Variants in PLEKHA8 observed in about 807,000 individuals in gnomAD.
PLEKHA8 encodes pleckstrin homology domain containing A8.
A neutral mutation model predicts 68.2 loss-of-function variants in PLEKHA8; 36 were observed. That is an observed-to-expected ratio of 0.53 (90% confidence interval 0.40 to 0.70). The LOEUF is 0.70. PLEKHA8 is among the 30% of genes least tolerant of loss of function. The pLI is 0.00. For synonymous variants in PLEKHA8, 211 were observed against 216.1 expected, an observed-to-expected ratio of 0.98 and a Z score of 0.20; for missense variants, 505 against 615.4, an observed-to-expected ratio of 0.82 and a Z score of 1.90.
At chr7:30,060,984 G>A (rs746952812) in intron 10 of PLEKHA8, 42 bp downstream of exon 10, 3 of 1,570,496 alleles carry the variant, frequency 1.9e-6, no homozygotes, top group South Asian at 1.1e-5. Context: ...TTTAAATAAA[G>A]GAAAATGTTC....
intron 5 of PLEKHA8, among the ~76,000 whole-genome samples, chr7:30,049,799 C>T (rs1792264089): frequency 6.6e-6 from 1 of 152,196 alleles, no homozygotes; most frequent in Non-Finnish European, 1.5e-5. Flanking sequence ...TCCCACATTA[C>T]CAGCTCTTTC....
chr7:30,030,741 A>G (rs1451309039), intron 1 of PLEKHA8, among the ~76,000 whole-genome samples: 1 of 152,204 alleles, frequency 6.6e-6, no homozygotes, highest in Non-Finnish European at 1.5e-5. Context: ...TCCTTTTAGG[A>G]GATAAATTTA....
chr7:30,100,131 A>G (rs962490794), intron 13 of PLEKHA8, among the ~76,000 whole-genome samples: 2 of 152,120 alleles, frequency 1.3e-5, no homozygotes, highest in African/African-American at 4.8e-5. Flanking sequence ...CTCTCTCCTC[A>G]TAAGGAGACC....
At chr7:30,060,101 C>T in intron 9 of PLEKHA8, among the ~76,000 whole-genome samples, 1 of 151,254 alleles carries the variant, frequency 6.6e-6, no homozygotes, top group East Asian at 2.0e-4. Flanking sequence ...CATGCCACTG[C>T]ACTCTAGCCT....
At chr7:30,056,742 AGTGTGTGTGTGTGTGTGTGT>A (rs70980590) in intron 9 of PLEKHA8, among the ~76,000 whole-genome samples, 2 of 74,784 alleles carry the variant, frequency 2.7e-5, no homozygotes, top group African/African-American at 1.0e-4. Context: ...AAAAAAAAAA[AGTGTGTGTGTGTGTGTGTGT>A]GTGTGTGTGT....
chr7:30,062,524 G>C, intron 11 of PLEKHA8, 148 bp from the exon 12 acceptor site: 1 of 656,296 alleles, frequency 1.5e-6, no homozygotes, highest in South Asian at 1.7e-5. Context: ...GAAGGGAAGA[G>C]GTTCAGGAAG....
chr7:30,122,976 T>C (rs1234438347), intron 13 of PLEKHA8, among the ~76,000 whole-genome samples: 2 of 152,200 alleles, frequency 1.3e-5, no homozygotes, highest in African/African-American at 4.8e-5. Context: ...CTCCTGTCCT[T>C]GGGTTCTGTG....
intron 9 of PLEKHA8, among the ~76,000 whole-genome samples, chr7:30,058,663 T>A (rs1793192405): frequency 6.6e-6 from 1 of 152,182 alleles, no homozygotes; most frequent in African/African-American, 2.4e-5. Flanking sequence ...ATTATAAGGC[T>A]TGAAATCAGA....
rs1795351052 is a variant in PLEKHA8, at chr7:30,090,048, C to A, written c.1301-105C>A. 16 of 1,198,552 alleles carry A rather than the reference C, an allele frequency of 1.3e-5. No homozygotes were observed. The South Asian group carries it at 1.8e-4, about 13-fold the overall frequency. 74.2% of individuals were successfully genotyped at this position (1,198,552 alleles called of 1,614,324 possible). ...TTCTGACATAAGAATAATTGGTGAC[C>A]AAAAATAAAAAGGAACTAAAAAAGT... is the stretch of plus-strand genomic sequence containing the variant. On this transcript the variant is annotated intron_variant, in intron 12 of 12. Transcript: ENST00000258679.
intron 13 of PLEKHA8, among the ~76,000 whole-genome samples, chr7:30,097,230 C>T (rs1051311174): frequency 6.6e-6 from 1 of 152,166 alleles, no homozygotes; most frequent in Non-Finnish European, 1.5e-5. Flanking sequence ...TTGTGGGTAT[C>T]CCGATCTTTC....
At chr7:30,115,663 T>C (rs990780183) in intron 13 of PLEKHA8, among the ~76,000 whole-genome samples, 4 of 151,650 alleles carry the variant, frequency 2.6e-5, no homozygotes, top group South Asian at 2.1e-4. Context: ...CATACATGTA[T>C]ACGTGTATAC....
intron 9 of PLEKHA8, among the ~76,000 whole-genome samples, chr7:30,055,551 C>T (rs1351672443): frequency 6.6e-6 from 1 of 152,054 alleles, no homozygotes; most frequent in Non-Finnish European, 1.5e-5. Flanking sequence ...TAAATATTGA[C>T]CTCAAAATAA....
chr7:30,101,688 C>T (rs1338194535), intron 13 of PLEKHA8, among the ~76,000 whole-genome samples: 1 of 152,120 alleles, frequency 6.6e-6, no homozygotes, highest in East Asian at 1.9e-4. Flanking sequence ...AATTTGTAAT[C>T]AGGGGAAAAT....
At chr7:30,041,815 A>G (rs1791562172) in intron 1 of PLEKHA8, among the ~76,000 whole-genome samples, 3 of 152,060 alleles carry the variant, frequency 2.0e-5, no homozygotes, top group Admixed American at 6.6e-5. Flanking sequence ...CAGTTTTAGG[A>G]CACTCTTTTT....
chr7:30,072,303 C>T (rs1794288413), intron 12 of PLEKHA8, among the ~76,000 whole-genome samples: 2 of 152,144 alleles, frequency 1.3e-5, no homozygotes, highest in South Asian at 2.1e-4. Context: ...TTCACATGTA[C>T]AGTCTTTTAT....
At chr7:30,098,099 C>T (rs896832115) in intron 13 of PLEKHA8, among the ~76,000 whole-genome samples, 1 of 152,164 alleles carries the variant, frequency 6.6e-6, no homozygotes, top group Non-Finnish European at 1.5e-5. Context: ...CACTCCAGAC[C>T]CTGTTTGCCT....
intron 12 of PLEKHA8, among the ~76,000 whole-genome samples, chr7:30,089,814 C>T (rs1169095751): frequency 1.3e-5 from 2 of 151,902 alleles, no homozygotes; most frequent in South Asian, 2.1e-4. Context: ...AGTGAAACAA[C>T]AGAATGAGAT....
intron 12 of PLEKHA8, 31 bp downstream of exon 12, chr7:30,062,773 T>A: frequency 6.5e-7 from 1 of 1,546,260 alleles, no homozygotes; most frequent in Non-Finnish European, 8.9e-7. Flanking sequence ...GTTGAATGAG[T>A]CAATAGACTG....
intron 2 of PLEKHA8, 48 bp downstream of exon 2, chr7:30,045,249 C>A: frequency 1.4e-6 from 2 of 1,457,516 alleles, no homozygotes; most frequent in Non-Finnish European, 9.5e-7. Flanking sequence ...TCTGTTTTCC[C>A]TCAAAAACAA....
Sources: allele counts gnomAD v4.1 joint callset (sites outside exome capture counted in the v4.1 genomes callset), GRCh38; gene constraint gnomAD v4.1.1; transcripts MANE v1.5; gene names NCBI Gene and HGNC (gene_info 2026-07-23, HGNC 2026-07-21).